The following GRM7 variants were observed in gnomAD, a reference collection of about 807,000 sequenced individuals.
GRM7 encodes the protein metabotropic glutamate receptor 7.
A neutral mutation model predicts 84.5 loss-of-function variants in GRM7; 35 were observed. That is an observed-to-expected ratio of 0.41 (90% CI 0.32 to 0.55). The LOEUF is 0.55. Among genes scored for constraint, GRM7 ranks in the 20% least tolerant of loss-of-function variants. The probability of loss-of-function intolerance (pLI) is 0.19; values close to 1 mark genes in which losing one functional copy is unlikely to be tolerated. For missense variants in GRM7, 1,003 were observed against 1,194.6 expected, an observed-to-expected ratio of 0.84 and a Z score of 2.36; for synonymous variants, 487 against 455.1, an observed-to-expected ratio of 1.07 and a Z score of -0.89.
chr3:7,016,951 G>C (rs970226630), intron 1 of GRM7, among the ~76,000 whole-genome samples: 20 of 152,164 alleles, frequency 1.3e-4, no homozygotes, highest in African/African-American at 4.8e-4. Flanking sequence ...GGGGCTGGTA[G>C]CATGAGCATC....
chr3:7,633,709 A>T (rs996649758), intron 8 of GRM7, among the ~76,000 whole-genome samples: 31 of 152,140 alleles, frequency 2.0e-4, no homozygotes, highest in Admixed American at 3.3e-4. Context: ...AATAACAAAA[A>T]TTTCCAAAGT....
chr3:7,490,441 G>GATGC (rs1699478714), intron 7 of GRM7, among the ~76,000 whole-genome samples: 1 of 152,140 alleles, frequency 6.6e-6, no homozygotes, highest in Admixed American at 6.6e-5. Flanking sequence ...TCCAGAATGG[G>GATGC]ATGCAATTCA....
chr3:7,339,697 A>C (rs1189391477), intron 4 of GRM7, among the ~76,000 whole-genome samples: 2 of 151,218 alleles, frequency 1.3e-5, no homozygotes, highest in African/African-American at 4.9e-5. Context: ...ATGGCAAGGA[A>C]CAAAGTCAAT....
At chr3:7,196,879 A>G (rs1288535251) in intron 2 of GRM7, among the ~76,000 whole-genome samples, 1 of 152,184 alleles carries the variant, frequency 6.6e-6, no homozygotes, top group African/African-American at 2.4e-5. Flanking sequence ...GTCAGTACAC[A>G]TGAAAGTTAC....
chr3:7,454,906 A>G (rs1023483650), intron 6 of GRM7, among the ~76,000 whole-genome samples: 8 of 152,202 alleles, frequency 5.3e-5, no homozygotes, highest in Non-Finnish European at 1.0e-4. Flanking sequence ...GAGCACATGT[A>G]GCACACATAT....
chr3:7,593,418 C>A (rs1695885208), intron 8 of GRM7, among the ~76,000 whole-genome samples: 1 of 152,114 alleles, frequency 6.6e-6, no homozygotes, highest in Non-Finnish European at 1.5e-5. Context: ...AAATTCGTTG[C>A]CCTCATGGAA....
intron 4 of GRM7, among the ~76,000 whole-genome samples, chr3:7,373,181 C>A (rs947036457): frequency 6.6e-6 from 1 of 152,090 alleles, no homozygotes; most frequent in African/African-American, 2.4e-5. Flanking sequence ...GGTACCTTAT[C>A]TTGGTTACCA....
At chr3:7,386,933 A>G (rs78201569) in intron 4 of GRM7, among the ~76,000 whole-genome samples, 2 of 152,164 alleles carry the variant, frequency 1.3e-5, no homozygotes, top group East Asian at 1.9e-4. Flanking sequence ...AACATCTGTT[A>G]TGTTTTGATT....
At chr3:7,496,978 G>C (rs371731928) in intron 7 of GRM7, among the ~76,000 whole-genome samples, 1 of 151,726 alleles carries the variant, frequency 6.6e-6, no homozygotes, top group Admixed American at 6.6e-5. Flanking sequence ...ATAAAAATAG[G>C]GTTAATACTA....
At chr3:7,434,722 T>A (rs1219291940) in intron 5 of GRM7, among the ~76,000 whole-genome samples, 1 of 152,164 alleles carries the variant, frequency 6.6e-6, no homozygotes, top group African/African-American at 2.4e-5. Flanking sequence ...TATACCTATT[T>A]TTAATCATGA....
chr3:6,946,766 A>C (rs1310951009), intron 1 of GRM7, among the ~76,000 whole-genome samples: 1 of 151,936 alleles, frequency 6.6e-6, no homozygotes. Context: ...TAGGTCCTTC[A>C]CATCCCTTGT....
intron 7 of GRM7, among the ~76,000 whole-genome samples, chr3:7,542,690 G>C (rs976526914): frequency 6.6e-6 from 1 of 151,808 alleles, no homozygotes; most frequent in Non-Finnish European, 1.5e-5. Context: ...TGGGACTACA[G>C]GCACATGCCA....
intron 1 of GRM7, among the ~76,000 whole-genome samples, chr3:6,938,500 G>C (rs1012203266): frequency 3.3e-5 from 5 of 152,104 alleles, no homozygotes; most frequent in Admixed American, 2.0e-4. Flanking sequence ...AATATATCTT[G>C]AGCACCATTA....
chr3:7,336,700 G>T (rs542658070), intron 4 of GRM7, among the ~76,000 whole-genome samples: 1 of 151,866 alleles, frequency 6.6e-6, no homozygotes, highest in East Asian at 1.9e-4. Flanking sequence ...TAAAGTTTCA[G>T]GATACAAAAT....
intron 4 of GRM7, among the ~76,000 whole-genome samples, chr3:7,317,807 A>G (rs776918087): frequency 2.0e-5 from 3 of 152,150 alleles, no homozygotes; most frequent in Middle Eastern, 3.4e-3. Context: ...AACTTGAAAG[A>G]CTGCTGTCAA....
At chr3:7,305,944 T>A (rs180706549) in intron 3 of GRM7, among the ~76,000 whole-genome samples, 147 of 152,310 alleles carry the variant, frequency 9.7e-4, no homozygotes, top group African/African-American at 3.4e-3. Flanking sequence ...TTTTATTTGC[T>A]CCCATTGTCC....
intron 7 of GRM7, among the ~76,000 whole-genome samples, chr3:7,508,694 C>T (rs892951073): frequency 3.9e-5 from 6 of 152,094 alleles, no homozygotes; most frequent in Non-Finnish European, 7.4e-5. Context: ...ACGGTTCTTA[C>T]GGCATTTCCT....
chr3:7,456,526 G>GA (rs141928684), intron 6 of GRM7, among the ~76,000 whole-genome samples: 18,175 of 151,318 alleles, frequency 0.12, 1,608 homozygotes, highest in East Asian at 0.47. Context: ...ATACAGCTAG[G>GA]TAGCGATGAT....
At chr3:7,422,310 G>C (rs1021761202) in intron 5 of GRM7, among the ~76,000 whole-genome samples, 1 of 152,126 alleles carries the variant, frequency 6.6e-6, no homozygotes, top group African/African-American at 2.4e-5. Context: ...CCTTGCTTTA[G>C]ACCAGCGTTG....
Sources: allele counts gnomAD v4.1 joint callset (sites outside exome capture counted in the v4.1 genomes callset), GRCh38; gene constraint gnomAD v4.1.1; transcripts MANE v1.5; gene names NCBI Gene and HGNC (gene_info 2026-07-23, HGNC 2026-07-21).